The following RSRC1 variants were observed in gnomAD, a reference collection of about 807,000 sequenced individuals.
RSRC1 encodes the protein serine/Arginine-related protein 53.
A neutral mutation model predicts 49.1 loss-of-function variants in RSRC1; 39 were observed. The ratio of observed to expected loss-of-function variants is 0.79; its 90% CI spans 0.61 to 1.04. The LOEUF is 1.04. Ranked by LOEUF, RSRC1 falls within the 50% of genes least tolerant of loss-of-function variation. The probability of loss-of-function intolerance (pLI) is 0.00; values close to 1 mark genes in which losing one functional copy is unlikely to be tolerated. For missense variants in RSRC1, 388 were observed against 402.4 expected (o/e 0.96, Z 0.31); for synonymous variants, 143 against 130.8 (o/e 1.09, Z -0.63).
intron 4 of RSRC1, among the ~76,000 whole-genome samples, chr3:158,272,377 G>C (rs1303569992): frequency 6.6e-6 from 1 of 152,118 alleles, no homozygotes; most frequent in Non-Finnish European, 1.5e-5. Flanking sequence ...AAATGAATTA[G>C]AGCTTTTTCA....
At position 158,305,393 on chromosome 3, in the gene RSRC1, A is replaced by G. The variant is rs1287126580; in HGVS notation, c.531+7318A>G. 7.9e-5 allele frequency among the ~76,000 whole-genome samples: 12 copies of G among 152,158 alleles called. No homozygotes were observed. In the South Asian group the frequency reaches 2.5e-3, roughly 32 times the overall value. On this transcript the variant is annotated intron_variant, in intron 5 of 9. Coordinates refer to ENST00000611884, the MANE Select transcript of RSRC1 (RefSeq NM_001271838.2). ...TTTAAAGTAAAACTAAATATTCTAA[A>G]TGCATTAAAGTAACTCCCACTTCTC...
At chr3:158,533,339 T>G (rs1712519321) in intron 7 of RSRC1, among the ~76,000 whole-genome samples, 1 of 151,822 alleles carries the variant, frequency 6.6e-6, no homozygotes. Context: ...CTATCTGCTC[T>G]GTCACTTTGT....
intron 4 of RSRC1, among the ~76,000 whole-genome samples, chr3:158,283,435 G>A (rs1026093168): frequency 1.3e-5 from 2 of 151,642 alleles, no homozygotes; most frequent in Non-Finnish European, 2.9e-5. Context: ...TAACTTTTTA[G>A]ATAAATGCAC....
At chr3:158,339,262 G>A (rs6772340) in intron 5 of RSRC1, among the ~76,000 whole-genome samples, 63,681 of 144,362 alleles carry the variant, frequency 0.44, 14,509 homozygotes, top group South Asian at 0.61. Context: ...ACTGCAGTCC[G>A]CAGTCCGGCC....
At chr3:158,373,510 A>G (rs905688910) in intron 6 of RSRC1, among the ~76,000 whole-genome samples, 10 of 151,982 alleles carry the variant, frequency 6.6e-5, no homozygotes, top group African/African-American at 4.8e-5. Context: ...TCTTTATACT[A>G]TTGATACGTT....
intron 6 of RSRC1, among the ~76,000 whole-genome samples, chr3:158,422,074 TTA>T (rs1472269632): frequency 0.013 from 4 of 298 alleles, no homozygotes; most frequent in South Asian, 0.083. Flanking sequence ...TTCTTTTTTA[TTA>T]TTATTATTAT....
At chr3:158,219,917 A>G (rs1722138715) in intron 4 of RSRC1, among the ~76,000 whole-genome samples, 1 of 151,652 alleles carries the variant, frequency 6.6e-6, no homozygotes, top group African/African-American at 2.4e-5. Flanking sequence ...ATGAAAATCA[A>G]TGGGGTTTCC....
chr3:158,161,377 C>G (rs571429159), intron 3 of RSRC1, among the ~76,000 whole-genome samples: 271 of 152,286 alleles, frequency 1.8e-3, no homozygotes, highest in African/African-American at 6.3e-3. Flanking sequence ...AAATGTAAGT[C>G]CTCTGCTAAA....
intron 5 of RSRC1, among the ~76,000 whole-genome samples, chr3:158,339,165 G>T (rs573630374): frequency 6.6e-6 from 1 of 151,884 alleles, no homozygotes; most frequent in Admixed American, 6.6e-5. Context: ...GGTGGCGGGC[G>T]CCTGTAGTCC....
intron 6 of RSRC1, among the ~76,000 whole-genome samples, chr3:158,434,216 A>G (rs1484589800): frequency 6.6e-6 from 1 of 151,972 alleles, no homozygotes; most frequent in Non-Finnish European, 1.5e-5. Flanking sequence ...TAAAATTCAC[A>G]TATTCTTTTA....
intron 3 of RSRC1, among the ~76,000 whole-genome samples, chr3:158,134,396 G>C (rs1716229428): frequency 6.6e-6 from 1 of 151,998 alleles, no homozygotes; most frequent in Non-Finnish European, 1.5e-5. Flanking sequence ...TGCTTTTATA[G>C]AATAATAGTA....
chr3:158,415,858 T>C (rs1231964438), intron 6 of RSRC1, among the ~76,000 whole-genome samples: 2 of 152,206 alleles, frequency 1.3e-5, no homozygotes, highest in Non-Finnish European at 2.9e-5. Flanking sequence ...CTTTAAGATA[T>C]GTAATTTGAA....
intron 5 of RSRC1, among the ~76,000 whole-genome samples, chr3:158,339,812 A>G (rs73170315): frequency 0.45 from 68,130 of 151,988 alleles, 15,773 homozygotes; most frequent in South Asian, 0.6. Context: ...ACAACAGAAC[A>G]ATTAATTAAA....
intron 6 of RSRC1, among the ~76,000 whole-genome samples, chr3:158,357,027 T>TG: frequency 6.6e-6 from 1 of 152,288 alleles, no homozygotes; most frequent in African/African-American, 2.4e-5. Context: ...TCCAAAATTA[T>TG]GACAATTTTC....
At chr3:158,423,555 T>C (rs1177128459) in intron 6 of RSRC1, among the ~76,000 whole-genome samples, 1 of 152,296 alleles carries the variant, frequency 6.6e-6, no homozygotes, top group East Asian at 1.9e-4. Flanking sequence ...GACTTGGCGA[T>C]GCGGGCTCTT....
chr3:158,285,108 A>G (rs1325711689), intron 4 of RSRC1, among the ~76,000 whole-genome samples: 1 of 152,204 alleles, frequency 6.6e-6, no homozygotes, highest in Non-Finnish European at 1.5e-5. Flanking sequence ...AGCTTTCTAC[A>G]TATGGCTAGC....
chr3:158,514,946 C>T (rs918652084), intron 7 of RSRC1, among the ~76,000 whole-genome samples: 2 of 151,796 alleles, frequency 1.3e-5, no homozygotes, highest in Non-Finnish European at 2.9e-5. Flanking sequence ...CAACCCCTAC[C>T]TTTTTTTGTT....
At chr3:158,278,228 AT>A (rs1725929830) in intron 4 of RSRC1, among the ~76,000 whole-genome samples, 1 of 152,218 alleles carries the variant, frequency 6.6e-6, no homozygotes, top group Non-Finnish European at 1.5e-5. Flanking sequence ...TAAATACCAC[AT>A]TTTACATTCA....
intron 6 of RSRC1, among the ~76,000 whole-genome samples, chr3:158,370,384 A>G (rs1732000397): frequency 6.6e-6 from 1 of 151,926 alleles, no homozygotes; most frequent in African/African-American, 2.4e-5. Context: ...TTACTCCAGA[A>G]GGTTTCTTTG....
Sources: allele counts gnomAD v4.1 joint callset (sites outside exome capture counted in the v4.1 genomes callset), GRCh38; gene constraint gnomAD v4.1.1; transcripts MANE v1.5; gene names NCBI Gene and HGNC (gene_info 2026-07-23, HGNC 2026-07-21).